Variants in BBS9 observed in about 807,000 individuals in gnomAD.
The protein encoded by BBS9 is protein PTHB1.
A neutral mutation model predicts 117.7 loss-of-function variants in BBS9; 89 were observed. The ratio of observed to expected loss-of-function variants is 0.76; its 90% CI spans 0.64 to 0.90. BBS9 has a LOEUF of 0.90. Among genes scored for constraint, BBS9 ranks in the 40% least tolerant of loss-of-function variants. The pLI, the probability that BBS9 is intolerant of heterozygous loss-of-function variation, is 0.00. For synonymous variants in BBS9, 379 were observed against 370.9 expected, an observed-to-expected ratio of 1.02 and a Z score of -0.25; for missense variants, 982 against 1,042.2, an observed-to-expected ratio of 0.94 and a Z score of 0.80.
chr7:33,573,946 C>T (rs375943180), intron 21 of BBS9, among the ~76,000 whole-genome samples: 6 of 152,042 alleles, frequency 3.9e-5, no homozygotes, highest in South Asian at 2.1e-4. Flanking sequence ...TTAGTGGTGG[C>T]GCTGCTATCT....
At chr7:33,524,541 G>A (rs935764261) in intron 20 of BBS9, among the ~76,000 whole-genome samples, 1 of 152,202 alleles carries the variant, frequency 6.6e-6, no homozygotes, top group African/African-American at 2.4e-5. Context: ...TTGCGTAGAG[G>A]TGTTTGCAGT....
At position 33,244,164 on chromosome 7, in the gene BBS9, AG is replaced by A. The variant is rs529274559; in HGVS notation, c.443-13070del. Among the ~76,000 whole-genome samples the A allele has an allele frequency of 7.1e-4, 108 of 152,334 alleles. 3 individuals carry two copies. The South Asian group carries it at 0.021, about 30-fold the overall frequency. ...AGAATTGCCTGAACCCGGGAGGTAG[AG>A]GTTGCAGTGAGCCGAGATTGTGCCA... On this transcript the variant is annotated intron_variant, in intron 5 of 22. Coordinates refer to ENST00000242067, the MANE Select transcript of BBS9 (RefSeq NM_198428.3).
At chr7:33,483,337 G>A (rs563551667) in intron 19 of BBS9, among the ~76,000 whole-genome samples, 8 of 152,166 alleles carry the variant, frequency 5.3e-5, no homozygotes, top group East Asian at 3.9e-4. Context: ...TAAATTTTCC[G>A]GAACTTTCTA....
intron 5 of BBS9, chr7:33,243,065 C>T (rs1294885819): frequency 6.1e-6 from 3 of 495,764 alleles, no homozygotes; most frequent in Non-Finnish European, 1.2e-5. Flanking sequence ...ATGTATGGAC[C>T]ACGTTGTAAA....
intron 9 of BBS9, among the ~76,000 whole-genome samples, chr7:33,279,489 G>A (rs1394270816): frequency 1.3e-5 from 2 of 152,224 alleles, no homozygotes; most frequent in African/African-American, 4.8e-5. Context: ...TTGGCTGAAT[G>A]TGTTGATTTA....
At chr7:33,633,155 C>T (rs1325971303) in intron 21 of BBS9, among the ~76,000 whole-genome samples, 1 of 152,174 alleles carries the variant, frequency 6.6e-6, no homozygotes, top group Non-Finnish European at 1.5e-5. Context: ...AAGCATTGTC[C>T]TCACACAACA....
intron 5 of BBS9, among the ~76,000 whole-genome samples, chr7:33,212,662 G>A (rs1238383386): frequency 6.6e-6 from 1 of 152,112 alleles, no homozygotes; most frequent in Admixed American, 6.5e-5. Context: ...TGTAGTCTTT[G>A]CAGTCTGGGC....
intron 9 of BBS9, among the ~76,000 whole-genome samples, chr7:33,316,599 T>C (rs999742992): frequency 3.3e-5 from 5 of 152,222 alleles, no homozygotes; most frequent in Non-Finnish European, 7.4e-5. Flanking sequence ...AATGTGTGTA[T>C]GGTGCTAGCT....
At chr7:33,289,063 T>C (rs1803473671) in intron 9 of BBS9, among the ~76,000 whole-genome samples, 1 of 152,214 alleles carries the variant, frequency 6.6e-6, no homozygotes, top group South Asian at 2.1e-4. Flanking sequence ...TTTTTGCTTT[T>C]ACTGAAAAAC....
intron 9 of BBS9, among the ~76,000 whole-genome samples, chr7:33,295,496 TCCC>T (rs1027506833): frequency 9.2e-5 from 14 of 151,820 alleles, no homozygotes; most frequent in African/African-American, 2.9e-4. Flanking sequence ...TCATCCCATT[TCCC>T]CCCATCTTTT....
chr7:33,221,912 C>T (rs1250582043), intron 5 of BBS9, among the ~76,000 whole-genome samples: 3 of 151,894 alleles, frequency 2.0e-5, no homozygotes, highest in South Asian at 2.1e-4. Flanking sequence ...TATATATACA[C>T]ACACACACAC....
At chr7:33,201,422 C>T (rs1335077552) in intron 5 of BBS9, among the ~76,000 whole-genome samples, 1 of 151,880 alleles carries the variant, frequency 6.6e-6, no homozygotes, top group Non-Finnish European at 1.5e-5. Flanking sequence ...ATATGTGCTG[C>T]CAAAGCGAGC....
At chr7:33,403,738 C>T (rs1294504761) in intron 19 of BBS9, among the ~76,000 whole-genome samples, 1 of 151,968 alleles carries the variant, frequency 6.6e-6, no homozygotes, top group African/African-American at 2.4e-5. Flanking sequence ...GGGTTAGTTC[C>T]AAGTCTTTGC....
At position 33,216,611 on chromosome 7, in the gene BBS9, G is replaced by T. The variant is rs182191220; in HGVS notation, c.442+39020G>T. 5.9e-5 allele frequency among the ~76,000 whole-genome samples: 9 copies of T among 152,330 alleles called. No homozygotes were observed. The South Asian group carries it at 1.7e-3, about 28-fold the overall frequency. On this transcript the variant is annotated intron_variant, in intron 5 of 22. Transcript: ENST00000242067. ...ATAAACTCATTGAAAATCAGTTATA[G>T]TATTAGCAAAAGTTTACAGTGGTTG...
At chr7:33,492,725 T>C (rs760272769) in intron 19 of BBS9, among the ~76,000 whole-genome samples, 1 of 151,694 alleles carries the variant, frequency 6.6e-6, no homozygotes, top group Non-Finnish European at 1.5e-5. Context: ...AGATCAGTTG[T>C]TGGGGAGGAG....
At position 33,605,879 on chromosome 7, in the gene BBS9, TAAC is replaced by T. The variant is rs1864512229; in HGVS notation, c.*655_*657del. On this transcript the variant is annotated 3_prime_UTR_variant, in exon 23 of 23. Coordinates refer to ENST00000242067, the MANE Select transcript of BBS9 (RefSeq NM_198428.3). ...AATATTTTCAAGGAAGCTAGTACATTAACATCCCCTTTTCATTACCCCATTGGG... is the reference window on the plus strand; with the variant it reads ...AATATTTTCAAGGAAGCTAGTACATTATCCCCTTTTCATTACCCCATTGGG... 1 of 152,738 alleles carries T rather than the reference TAAC, an allele frequency of 6.5e-6. No homozygotes were observed. Among genetic ancestry groups the T allele is most frequent in the South Asian group, 2.1e-4 (1 of 4,852 alleles). 9.5% of individuals were successfully genotyped at this position (152,738 alleles called of 1,614,324 possible).
At chr7:33,507,573 T>TC (rs893636506) in intron 20 of BBS9, among the ~76,000 whole-genome samples, 2 of 152,184 alleles carry the variant, frequency 1.3e-5, no homozygotes, top group Admixed American at 1.3e-4. Context: ...TGGTTATTTG[T>TC]CCATCTTCAC....
At chr7:33,373,330 T>G (rs1327195010) in intron 17 of BBS9, among the ~76,000 whole-genome samples, 2 of 152,272 alleles carry the variant, frequency 1.3e-5, no homozygotes, top group East Asian at 3.9e-4. Flanking sequence ...TCTCCAAGAT[T>G]GGAGGGAGTT....
intron 9 of BBS9, among the ~76,000 whole-genome samples, chr7:33,289,334 T>C (rs1803539726): frequency 6.6e-6 from 1 of 152,212 alleles, no homozygotes; most frequent in African/African-American, 2.4e-5. Context: ...AAACTAATGA[T>C]GCAGCCAAGC....
Sources: allele counts gnomAD v4.1 joint callset (sites outside exome capture counted in the v4.1 genomes callset), GRCh38; gene constraint gnomAD v4.1.1; transcripts MANE v1.5; gene names NCBI Gene and HGNC (gene_info 2026-07-23, HGNC 2026-07-21).